CLIC1: variants seen among roughly 807,000 people sequenced by gnomAD.
The protein encoded by CLIC1 is CLIC family member 1, also known as chloride intracellular channel protein 1.
A neutral mutation model predicts 26.4 loss-of-function variants in CLIC1; 16 were observed. The observed-to-expected ratio is 0.61, with a 90% CI of 0.41 to 0.92. The LOEUF is 0.92. CLIC1 is among the 40% of genes least tolerant of loss of function. The pLI is 0.00. For missense variants in CLIC1, 225 were observed against 289.7 expected (o/e 0.78, Z 1.62); for synonymous variants, 98 against 120.8 (o/e 0.81, Z 1.24).
At position 31,733,655 on chromosome 6, in the gene CLIC1, G is replaced by T; in HGVS notation, c.293C>A (p.Ala98Asp). The change falls in exon 4 of 6, where the codon GCT becomes GAT. Residue 98 changes from alanine to aspartate, a missense_variant. Ala to Asp is a moderately radical substitution (Grantham distance 126, BLOSUM62 -2). Coordinates refer to ENST00000375784, the Ensembl canonical transcript of CLIC1. This position sits in a 1 kb window ranked among gnomAD's most constrained non-coding sequence, Gnocchi z 5.4. ...AGCTGTGTTGGACTCAGGGTTCAGA[G>T]CTGCCAGCTTGGGGTACCTGAAAGC... 6.2e-7 allele frequency: 1 copy of T among 1,613,076 alleles called. No individual in the cohort carries two copies. Among genetic ancestry groups the T allele is most frequent in the Non-Finnish European group, 8.5e-7 (1 of 1,179,994 alleles).
rs904320476 is a variant in CLIC1, at chr6:31,730,717, G to C, written c.*125C>G. On this transcript the variant is annotated 3_prime_UTR_variant, in exon 6 of 6. Coordinates refer to ENST00000375784, the Ensembl canonical transcript of CLIC1. This position sits in a 1 kb window ranked among gnomAD's most constrained non-coding sequence, Gnocchi z 5.1. ...TCCCCTCTTCCACCACACCATCCCG[G>C]AACAAGTGCTCCAGGATTCCCTGCC... The C allele has an allele frequency of 8.7e-6, 9 of 1,031,940 alleles. No homozygotes were observed. Among genetic ancestry groups the C allele is most frequent in the African/African-American group, 8.0e-5 (5 of 62,646 alleles). The allele number at this position is 1,031,940 out of a possible 1,614,324, so 63.9% of individuals were successfully genotyped here. A position where few individuals can be genotyped will look rare whatever the true frequency, so the allele number is the denominator to read the frequency against.
rs1491444760 is a variant in CLIC1 at position 31,735,806 on chromosome 6, T to TA, written c.39+455_39+456insT. ...CACCGTCTTCCCTGAAGCGTCTCCA[T>TA]CCACACACACACACACACACACACA... On this transcript the variant is annotated intron_variant, in intron 1 of 5. Transcript: ENST00000375784. Among the ~76,000 whole-genome samples the TA allele has an allele frequency of 7.2e-3, 235 of 32,416 alleles. 3 individuals are homozygous for TA. The highest frequency in any genetic ancestry group is 0.02 in the African/African-American group (212 of 10,592). 21.3% of individuals were successfully genotyped at this position (32,416 alleles called of 152,430 possible). A position where few individuals can be genotyped will look rare whatever the true frequency, so the allele number is the denominator to read the frequency against.
chr6:31,732,468 G>C lies in CLIC1; in HGVS notation c.383-70C>G, dbSNP rs1234047269. 2.5e-6 allele frequency: 3 copies of C among 1,186,444 alleles called. No individual in the cohort carries two copies. Among genetic ancestry groups the C allele is most frequent in the Admixed American group, 5.9e-5 (2 of 34,150 alleles). The allele number at this position is 1,186,444 out of a possible 1,614,324, so 73.5% of individuals were successfully genotyped here. Reference sequence around the variant, plus strand: ...CATAGTCCGAAAAGGCCCGTTGGGGGTGGATACTAATGGTGAGTCCAAAAT... The same window carrying C: ...CATAGTCCGAAAAGGCCCGTTGGGGCTGGATACTAATGGTGAGTCCAAAAT... On this transcript the variant is annotated intron_variant, in intron 4 of 5. Transcript: ENST00000375784. The surrounding 1 kb of genome is among the most constrained non-coding windows in gnomAD (Gnocchi z 5.0).
At position 31,733,666 on chromosome 6, in the gene CLIC1, G is replaced by T; in HGVS notation, c.282C>A (p.Pro94=). 1 of 1,613,002 alleles carries T rather than the reference G, an allele frequency of 6.2e-7. No individual in the cohort carries two copies. Among genetic ancestry groups the T allele is most frequent in the East Asian group, 2.2e-5 (1 of 44,882 alleles). ...ACTCAGGGTTCAGAGCTGCCAGCTT[G>T]GGGTACCTGAAAGCCAATGGGAAAA... Residue 94 remains proline, a synonymous_variant, in exon 4 of 6, where the codon CCC becomes CCA. Coordinates refer to ENST00000375784, the Ensembl canonical transcript of CLIC1. The surrounding 1 kb of genome is among the most constrained non-coding windows in gnomAD (Gnocchi z 5.4).
upstream of CLIC1, chr6:31,736,681 C>T (rs1808356187): frequency 9.3e-7 from 1 of 1,080,344 alleles, no homozygotes; most frequent in Non-Finnish European, 1.1e-6. This position sits in a 1 kb window ranked among gnomAD's most constrained non-coding sequence, Gnocchi z 5.0. Flanking sequence ...GTCCTGAAAA[C>T]CTCCTTGTTT....
upstream of CLIC1, chr6:31,736,684 CCTT>C (rs1006355458): frequency 3.9e-4 from 421 of 1,071,654 alleles, 1 homozygote; most frequent in Admixed American, 3.8e-4. The surrounding 1 kb of genome is among the most constrained non-coding windows in gnomAD (Gnocchi z 5.0). Flanking sequence ...CTGAAAACCT[CCTT>C]GTTTCTCCGA....
Position 31,733,924 on chromosome 6 carries a change from G to GC in CLIC1, c.186dup (p.Gln63AlafsTer10). 1.9e-6 allele frequency: 3 copies of GC among 1,613,912 alleles called. No individual in the cohort carries two copies. The highest frequency in any genetic ancestry group is 2.5e-6 in the Non-Finnish European group (3 of 1,179,964). On this transcript the variant is annotated frameshift_variant, in exon 3 of 6. Coordinates refer to ENST00000375784, the Ensembl canonical transcript of CLIC1. LOFTEE classifies it high-confidence loss of function. This position sits in a 1 kb window ranked among gnomAD's most constrained non-coding sequence, Gnocchi z 5.4. ...GTGCCATACAGCAGGAATGGGAGCT[G>GC]CCCCCCTGGGCACAGCTTCTGCACT...
At chr6:31,735,912 C>CCTCTGTCCCTTCTAA (rs1808303559) in intron 1 of CLIC1, among the ~76,000 whole-genome samples, 1 of 151,752 alleles carries the variant, frequency 6.6e-6, no homozygotes, top group Non-Finnish European at 1.5e-5. Context: ...CTGAGGTTCC[C>CCTCTGTCCCTTCTAA]CTCTGTCCCT....
chr6:31,736,277 G>C lies in CLIC1; in HGVS notation c.24C>G (p.Val8=). 1 of 1,612,556 alleles carries C rather than the reference G, an allele frequency of 6.2e-7. No homozygotes were observed. Among genetic ancestry groups the C allele is most frequent in the Non-Finnish European group, 8.5e-7 (1 of 1,179,822 alleles). Residue 8 remains valine (V), a synonymous_variant, in exon 1 of 6, where the codon GTC becomes GTG. Coordinates refer to ENST00000375784, the Ensembl canonical transcript of CLIC1. The surrounding 1 kb of genome is among the most constrained non-coding windows in gnomAD (Gnocchi z 5.0). ...GTGTTCTTACCTTCACGAACAATTC[G>C]ACCTGCGGTTGTTCTTCAGCCATGG...
At position 31,733,997 on chromosome 6, in the gene CLIC1, G is replaced by C. The variant is rs1039750980; in HGVS notation, c.150-36C>G. 5.6e-6 allele frequency: 9 copies of C among 1,605,912 alleles called. No homozygotes were observed. The highest frequency in any genetic ancestry group is 7.7e-6 in the Non-Finnish European group (9 of 1,174,582). On this transcript the variant is annotated intron_variant, in intron 2 of 5. Coordinates refer to ENST00000375784, the Ensembl canonical transcript of CLIC1. The surrounding 1 kb of genome is among the most constrained non-coding windows in gnomAD (Gnocchi z 5.4). ...GATCAGGAATCAGGACTGGAAATGGGGGTCAGGAAGAACCAGAAAGGGGGA... is the reference window on the plus strand; with the variant it reads ...GATCAGGAATCAGGACTGGAAATGGCGGTCAGGAAGAACCAGAAAGGGGGA...
chr6:31,735,886 G>A (rs1345695308), intron 1 of CLIC1, among the ~76,000 whole-genome samples: 1 of 149,090 alleles, frequency 6.7e-6, no homozygotes, highest in Non-Finnish European at 1.5e-5. Flanking sequence ...AGATCTTGTA[G>A]GGACACATGT....
Position 31,736,232 on chromosome 6 carries a change from T to G in CLIC1, c.39+30A>C, listed in dbSNP as rs750103158. ...AAGGTGAGAGTTGGCTTCCAGGAAT[T>G]TGGGTGGCTGAGGAGAGAAGTGTTC... On this transcript the variant is annotated intron_variant, in intron 1 of 5. Coordinates refer to ENST00000375784, the Ensembl canonical transcript of CLIC1. The surrounding 1 kb of genome is among the most constrained non-coding windows in gnomAD (Gnocchi z 5.0). 1.9e-5 allele frequency: 31 copies of G among 1,611,300 alleles called. No individual in the cohort carries two copies. In the African/African-American group the frequency reaches 4.1e-4, roughly 22 times the overall value.
Position 31,732,228 on chromosome 6 carries a change from G to A in CLIC1, c.553C>T (p.His185Tyr), listed in dbSNP as rs144865429. 20 of 1,557,404 alleles carry A rather than the reference G, an allele frequency of 1.3e-5. No individual in the cohort carries two copies. The highest frequency in any genetic ancestry group is 1.7e-5 in the Non-Finnish European group (20 of 1,151,744). The change falls in exon 5 of 6, where the codon CAC becomes TAC. Residue 185 changes from histidine (H) to tyrosine (Y), a missense_variant. Transcript: ENST00000375784. This position sits in a 1 kb window ranked among gnomAD's most constrained non-coding sequence, Gnocchi z 5.0. Reference sequence around the variant, plus strand: ...CAATAACCACACACCTGTACTATGTGTAACTTTGGCAACAGGTTGCAGTCA... The same window carrying A: ...CAATAACCACACACCTGTACTATGTATAACTTTGGCAACAGGTTGCAGTCA...
In CLIC1 at chr6:31,736,480, C is replaced by T; in HGVS notation, c.-180G>A. 2 of 1,408,516 alleles carry T rather than the reference C, an allele frequency of 1.4e-6. No homozygotes were observed. Among genetic ancestry groups the T allele is most frequent in the Non-Finnish European group, 1.9e-6 (2 of 1,080,120 alleles). The allele number at this position is 1,408,516 out of a possible 1,614,324, so 87.3% of individuals were successfully genotyped here. On this transcript the variant is annotated 5_prime_UTR_variant, in exon 1 of 6. Transcript: ENST00000375784. This position sits in a 1 kb window ranked among gnomAD's most constrained non-coding sequence, Gnocchi z 5.0. ...ACTAGGCCTCCCCACCAGCCCAACG[C>T]ACCCCACACCCAGCTCCTCCAGCTC...
In CLIC1 at chr6:31,732,407, G is replaced by C. The variant is rs1054688956; in HGVS notation, c.383-9C>G. The C allele has an allele frequency of 6.2e-6, 9 of 1,461,808 alleles. No individual in the cohort carries two copies. In the East Asian group the frequency reaches 2.3e-4, roughly 38 times the overall value. The allele number at this position is 1,461,808 out of a possible 1,614,324, so 90.6% of individuals were successfully genotyped here. A position where few individuals can be genotyped will look rare whatever the true frequency, so the allele number is the denominator to read the frequency against. On this transcript the variant is annotated splice_polypyrimidine_tract_variant and intron_variant, in intron 4 of 5. Coordinates refer to ENST00000375784, the Ensembl canonical transcript of CLIC1. This position sits in a 1 kb window ranked among gnomAD's most constrained non-coding sequence, Gnocchi z 5.0. Reference sequence around the variant, plus strand: ...GAGTCCCTTCTCCAGATCTGTGCAAGAGAGGGAACTGATTAGAACTTCAGG... The same window carrying C: ...GAGTCCCTTCTCCAGATCTGTGCAACAGAGGGAACTGATTAGAACTTCAGG...
Position 31,733,074 on chromosome 6 carries a change from T to G in CLIC1, c.382+492A>C, listed in dbSNP as rs575888990. ...CAGGCAGAGGTTGCAGTGAGCTGAT[T>G]GCACCACTGCACTCCAGCCTGGGCG... is the stretch of plus-strand genomic sequence containing the variant. On this transcript the variant is annotated intron_variant, in intron 4 of 5. Coordinates refer to ENST00000375784, the Ensembl canonical transcript of CLIC1. The surrounding 1 kb of genome is among the most constrained non-coding windows in gnomAD (Gnocchi z 5.4). Among the ~76,000 whole-genome samples the G allele has an allele frequency of 1.3e-5, 2 of 151,512 alleles. No homozygotes were observed. Among genetic ancestry groups the G allele is most frequent in the South Asian group, 4.2e-4 (2 of 4,780 alleles).
In CLIC1 at chr6:31,736,487, C is replaced by T. The variant is rs1429445923; in HGVS notation, c.-187G>A. 7 of 1,406,956 alleles carry T rather than the reference C, an allele frequency of 5.0e-6. No homozygotes were observed. The highest frequency in any genetic ancestry group is 5.6e-6 in the Non-Finnish European group (6 of 1,079,618). The allele number at this position is 1,406,956 out of a possible 1,614,324, so 87.2% of individuals were successfully genotyped here. On this transcript the variant is annotated 5_prime_UTR_variant, in exon 1 of 6. In the 5' UTR this introduces an upstream ATG that the reference lacks. Coordinates refer to ENST00000375784, the Ensembl canonical transcript of CLIC1. This position sits in a 1 kb window ranked among gnomAD's most constrained non-coding sequence, Gnocchi z 5.0. The stretch of plus-strand genomic sequence containing the variant: ...CTCCCCACCAGCCCAACGCACCCCA[C>T]ACCCAGCTCCTCCAGCTCGGTCCTC...
Position 31,736,180 on chromosome 6 carries a change from T to G in CLIC1, c.39+82A>C. Reference sequence around the variant, plus strand: ...GGGTGGGAGTCAAGGAGGGAAGGGATTGGGGAGTTAAGGCTGGACCGGGGG... The same window carrying G: ...GGGTGGGAGTCAAGGAGGGAAGGGAGTGGGGAGTTAAGGCTGGACCGGGGG... On this transcript the variant is annotated intron_variant, in intron 1 of 5. Coordinates refer to ENST00000375784, the Ensembl canonical transcript of CLIC1. The surrounding 1 kb of genome is among the most constrained non-coding windows in gnomAD (Gnocchi z 5.0). 3 of 1,418,948 alleles carry G rather than the reference T, an allele frequency of 2.1e-6. No individual in the cohort carries two copies. The highest frequency in any genetic ancestry group is 3.0e-6 in the Non-Finnish European group (3 of 1,004,476). 87.9% of individuals were successfully genotyped at this position (1,418,948 alleles called of 1,614,324 possible).
chr6:31,731,294 A>G (rs920261717), intron 5 of CLIC1, among the ~76,000 whole-genome samples: 1 of 151,620 alleles, frequency 6.6e-6, no homozygotes, highest in Non-Finnish European at 1.5e-5. Context: ...TTTTGTCTCT[A>G]TATTTTTCAT....
Sources: allele counts gnomAD v4.1 joint callset (sites outside exome capture counted in the v4.1 genomes callset), GRCh38; gene constraint gnomAD v4.1.1; non-coding constraint Gnocchi (gnomAD v3.1); transcripts MANE v1.5; gene names NCBI Gene and HGNC (gene_info 2026-07-23, HGNC 2026-07-21).